PSD3: variants seen among roughly 807,000 people sequenced by gnomAD.
PSD3 encodes the protein pleckstrin and Sec7 domain containing 3.
A neutral mutation model predicts 105.5 loss-of-function variants in PSD3; 49 were observed. The observed-to-expected ratio is 0.46, with a 90% CI of 0.37 to 0.59. PSD3 has a LOEUF of 0.59. Ranked by LOEUF, PSD3 falls within the 20% of genes least tolerant of loss-of-function variation. PSD3 has a pLI of 0.00. For synonymous variants in PSD3, 557 were observed against 457.8 expected (o/e 1.22, Z -2.77); for missense variants, 1,561 against 1,263.8 (o/e 1.24, Z -3.57).
intron 4 of PSD3, among the ~76,000 whole-genome samples, chr8:18,815,603 G>A (rs987530760): frequency 6.6e-6 from 1 of 152,112 alleles, no homozygotes; most frequent in Non-Finnish European, 1.5e-5. Flanking sequence ...GAGCCACTGC[G>A]TCCAGCCCCT....
chr8:19,001,288 TCTCA>T lies in PSD3; in HGVS notation c.21+12271_21+12274del, dbSNP rs144187132. ...TTTTTTCTTTTTTGTAGAGGTGGGG[TCTCA>T]CTATGTTGCCCAGGCCCGTAGACTT... On this transcript the variant is annotated intron_variant, in intron 1 of 15. Coordinates refer to ENST00000327040, the MANE Select transcript of PSD3 (RefSeq NM_015310.4). 3.2e-3 allele frequency among the ~76,000 whole-genome samples: 491 copies of T among 151,550 alleles called. 7 individuals carry two copies. The highest frequency in any genetic ancestry group is 0.011 in the African/African-American group (455 of 41,262).
chr8:18,724,500 C>T (rs1439144494), intron 9 of PSD3, among the ~76,000 whole-genome samples: 1 of 151,938 alleles, frequency 6.6e-6, no homozygotes, highest in Non-Finnish European at 1.5e-5. Flanking sequence ...ATCCCAGCTA[C>T]TTGAGAAGAA....
chr8:19,019,251 A>ATT (rs79894004), intron 1 of PSD3, among the ~76,000 whole-genome samples: 1 of 151,358 alleles, frequency 6.6e-6, no homozygotes, highest in African/African-American at 2.4e-5. Context: ...TCATCAACTC[A>ATT]TTTTTTTTTA....
intron 1 of PSD3, among the ~76,000 whole-genome samples, chr8:19,023,538 C>A (rs1156356164): frequency 6.6e-6 from 1 of 151,978 alleles, no homozygotes; most frequent in Admixed American, 6.6e-5. Flanking sequence ...TCAAGCAATC[C>A]TCCCACCTCA....
At chr8:18,555,156 A>G (rs925114298) in intron 15 of PSD3, among the ~76,000 whole-genome samples, 1 of 152,054 alleles carries the variant, frequency 6.6e-6, no homozygotes, top group East Asian at 1.9e-4. Context: ...CGGCCAAAGG[A>G]TTTAGGATGA....
Position 18,750,440 on chromosome 8 carries a change from T to A in PSD3, c.2172+15009A>T, listed in dbSNP as rs1264475503. ...GTTCCTCCCGGTGGGCTCGTGGTCTTGCTGGGCTCAGGAGTGAAGCTGCAG... is the reference window on the plus strand; with the variant it reads ...GTTCCTCCCGGTGGGCTCGTGGTCTAGCTGGGCTCAGGAGTGAAGCTGCAG... On this transcript the variant is annotated intron_variant, in intron 9 of 15. Coordinates refer to ENST00000327040, the MANE Select transcript of PSD3 (RefSeq NM_015310.4). 2.0e-5 allele frequency among the ~76,000 whole-genome samples: 3 copies of A among 152,112 alleles called. No homozygotes were observed. The South Asian group carries it at 6.2e-4, about 32-fold the overall frequency.
chr8:18,861,727 G>T (rs1050266453), intron 4 of PSD3, among the ~76,000 whole-genome samples: 4 of 151,842 alleles, frequency 2.6e-5, no homozygotes, highest in African/African-American at 7.3e-5. Context: ...TTATTCCTTA[G>T]ACTCTTAGAC....
At chr8:18,548,621 C>T (rs954485116) in intron 15 of PSD3, among the ~76,000 whole-genome samples, 2 of 152,216 alleles carry the variant, frequency 1.3e-5, no homozygotes, top group Admixed American at 6.5e-5. Context: ...CTCCCATTTG[C>T]GTGCCCTTGG....
intron 10 of PSD3, among the ~76,000 whole-genome samples, chr8:18,649,233 C>A (rs2130827914): frequency 1.3e-5 from 2 of 152,332 alleles, no homozygotes; most frequent in South Asian, 4.1e-4. Flanking sequence ...AGAGCAACCG[C>A]AGGGACTGAA....
chr8:18,803,206 G>C (rs1435023395), intron 6 of PSD3: 2 of 214,352 alleles, frequency 9.3e-6, no homozygotes, highest in Admixed American at 1.0e-4. Flanking sequence ...AGAACTGCTT[G>C]AACCTGGGAG....
At chr8:18,608,432 G>C (rs1253800526) in intron 11 of PSD3, among the ~76,000 whole-genome samples, 1 of 152,152 alleles carries the variant, frequency 6.6e-6, no homozygotes, top group Non-Finnish European at 1.5e-5. Flanking sequence ...TCGTTATTCT[G>C]AGTCAAACTC....
At chr8:18,790,390 C>T (rs180789828) in intron 8 of PSD3, among the ~76,000 whole-genome samples, 207 of 150,092 alleles carry the variant, frequency 1.4e-3, no homozygotes, top group African/African-American at 4.7e-3. Context: ...GCAAGCTCTG[C>T]TTCCAAGGTT....
At chr8:18,679,435 C>A (rs1800260464) in intron 9 of PSD3, among the ~76,000 whole-genome samples, 1 of 152,178 alleles carries the variant, frequency 6.6e-6, no homozygotes. Context: ...CAAAGGACTT[C>A]CATTTTCCTT....
intron 9 of PSD3, among the ~76,000 whole-genome samples, chr8:18,727,236 C>CT (rs1803389705): frequency 1.3e-5 from 2 of 149,790 alleles, no homozygotes; most frequent in Admixed American, 1.4e-4. Flanking sequence ...ACTCTAGAAG[C>CT]TGAGGCAGGA....
intron 9 of PSD3, among the ~76,000 whole-genome samples, chr8:18,719,282 A>C (rs1253651752): frequency 1.3e-5 from 2 of 152,160 alleles, no homozygotes. Flanking sequence ...CTGCATTCTG[A>C]CCTTGACTTT....
chr8:19,081,755 CACT>C (rs954587845), intron 1 of PSD3, among the ~76,000 whole-genome samples: 1 of 152,122 alleles, frequency 6.6e-6, no homozygotes, highest in Admixed American at 6.5e-5. Context: ...GATGTTTCAT[CACT>C]GAGAGAATAA....
intron 15 of PSD3, among the ~76,000 whole-genome samples, chr8:18,546,795 C>T (rs1000345556): frequency 2.6e-5 from 4 of 152,154 alleles, no homozygotes; most frequent in Admixed American, 6.5e-5. Context: ...TCCCTCCAAC[C>T]CCCACCTCAA....
At position 18,688,841 on chromosome 8, in the gene PSD3, G is replaced by T. The variant is rs1007548794; in HGVS notation, c.2173-33156C>A. Among the ~76,000 whole-genome samples, 4 of 152,288 alleles carry T rather than the reference G, an allele frequency of 2.6e-5. 1 individual carries two copies. The East Asian group carries it at 5.8e-4, about 22-fold the overall frequency. On this transcript the variant is annotated intron_variant, in intron 9 of 15. Transcript: ENST00000327040. ...CAGCCTGTACAGAGACAGCCGAGCC[G>T]GCTTGCTATAAAATAAAAGCAGGCT...
chr8:19,080,302 T>C (rs1829601863), intron 1 of PSD3, among the ~76,000 whole-genome samples: 2 of 152,168 alleles, frequency 1.3e-5, no homozygotes, highest in South Asian at 4.1e-4. Context: ...CTGGAGACAA[T>C]GAGAGAAGCT....
Sources: allele counts gnomAD v4.1 joint callset (sites outside exome capture counted in the v4.1 genomes callset), GRCh38; gene constraint gnomAD v4.1.1; transcripts MANE v1.5; gene names NCBI Gene and HGNC (gene_info 2026-07-23, HGNC 2026-07-21).